Variants in PPP3R1 observed in about 807,000 individuals in gnomAD.
PPP3R1 encodes the protein protein phosphatase 3 regulatory subunit B, alpha.
PPP3R1 carries 5 observed loss-of-function variants against 22.6 expected under a neutral mutation model. The observed-to-expected ratio is 0.22, with a 90% CI of 0.12 to 0.46. The LOEUF (loss-of-function observed/expected upper bound fraction) is 0.46. PPP3R1 is among the 20% of genes least tolerant of loss of function. The probability of loss-of-function intolerance (pLI) is 0.99; values close to 1 mark genes in which losing one functional copy is unlikely to be tolerated. For missense variants in PPP3R1, 61 were observed against 203.2 expected, an observed-to-expected ratio of 0.30 and a Z score of 4.25; for synonymous variants, 56 against 65.2, an observed-to-expected ratio of 0.86 and a Z score of 0.68.
intron 1 of PPP3R1, among the ~76,000 whole-genome samples, chr2:68,232,209 T>TGTATATTATA (rs571323678): frequency 5.9e-4 from 55 of 93,024 alleles, no homozygotes; most frequent in African/African-American, 2.0e-3. Context: ...TATATACATA[T>TGTATATTATA]TGTATATGTA....
rs1158777953 is a variant in PPP3R1, at chr2:68,217,263, T to C, written c.4-132A>G. 1.3e-5 allele frequency: 7 copies of C among 538,868 alleles called. No individual in the cohort carries two copies. In the Admixed American group the frequency reaches 2.3e-4, roughly 18 times the overall value. The allele number at this position is 538,868 out of a possible 1,614,324, so 33.4% of individuals were successfully genotyped here. A position where few individuals can be genotyped will look rare whatever the true frequency, so the allele number is the denominator to read the frequency against. On this transcript the variant is annotated intron_variant, in intron 1 of 5. Coordinates refer to ENST00000234310, the MANE Select transcript of PPP3R1 (RefSeq NM_000945.4). ...CTAATAATATGACCACATATATAAATTACATTTATATTTTTAAAAAATAAG... is the reference window on the plus strand; with the variant it reads ...CTAATAATATGACCACATATATAAACTACATTTATATTTTTAAAAAATAAG...
intron 2 of PPP3R1, 81 bp downstream of exon 2, chr2:68,217,011 T>TACACACACACACACACACACAC: frequency 1.3e-6 from 1 of 770,686 alleles, no homozygotes; most frequent in African/African-American, 2.4e-5. Context: ...AGAGGTATGA[T>TACACACACACACACACACACAC]ACACACACAC....
Position 68,232,223 on chromosome 2 carries a change from A to G in PPP3R1, c.4-15092T>C, listed in dbSNP as rs868860008. On this transcript the variant is annotated intron_variant, in intron 1 of 5. Coordinates refer to ENST00000234310, the MANE Select transcript of PPP3R1 (RefSeq NM_000945.4). ...TTATATACATATTGTATATGTATAT[A>G]TGTGTGTGTGTGTGTGTGTGTGTGT... is the stretch of plus-strand genomic sequence containing the variant. Among the ~76,000 whole-genome samples the G allele has an allele frequency of 1.5e-3, 69 of 45,760 alleles. 2 individuals carry two copies. Among genetic ancestry groups the G allele is most frequent in the East Asian group, 4.3e-3 (10 of 2,300 alleles). The allele number at this position is 45,760 out of a possible 152,430, so 30.0% of individuals were successfully genotyped here.
chr2:68,239,630 G>C (rs778526428), intron 1 of PPP3R1, among the ~76,000 whole-genome samples: 2 of 152,068 alleles, frequency 1.3e-5, no homozygotes, highest in Non-Finnish European at 2.9e-5. Context: ...TGAAAAATAC[G>C]AATGAATCAT....
At chr2:68,226,369 C>T in intron 1 of PPP3R1, among the ~76,000 whole-genome samples, 1 of 152,072 alleles carries the variant, frequency 6.6e-6, no homozygotes, top group East Asian at 1.9e-4. Context: ...ATATTAAGGA[C>T]CTTAGTCCCA....
intron 1 of PPP3R1, among the ~76,000 whole-genome samples, chr2:68,221,235 G>A (rs941338314): frequency 6.6e-5 from 10 of 152,084 alleles, no homozygotes; most frequent in South Asian, 2.1e-4. Flanking sequence ...AGAGGCTGAG[G>A]CAAGAGAATC....
intron 2 of PPP3R1, among the ~76,000 whole-genome samples, chr2:68,201,955 T>C (rs1182097016): frequency 6.6e-6 from 1 of 152,218 alleles, no homozygotes; most frequent in Admixed American, 6.5e-5. Context: ...TAAACATAGA[T>C]GTTCTTTCAT....
intron 2 of PPP3R1, among the ~76,000 whole-genome samples, chr2:68,195,231 T>C (rs866022246): frequency 7.9e-5 from 12 of 152,308 alleles, no homozygotes; most frequent in South Asian, 6.2e-4. Flanking sequence ...TCTTGATTGA[T>C]TGTCTTTCAT....
chr2:68,242,420 C>T (rs539620835), intron 1 of PPP3R1, among the ~76,000 whole-genome samples: 3 of 149,490 alleles, frequency 2.0e-5, no homozygotes, highest in South Asian at 2.1e-4. Context: ...AGCAAGACTC[C>T]GTCTAAAAAA....
At chr2:68,229,226 C>T (rs1246467222) in intron 1 of PPP3R1, among the ~76,000 whole-genome samples, 2 of 151,526 alleles carry the variant, frequency 1.3e-5, no homozygotes, top group East Asian at 3.9e-4. Context: ...TGCCCAGGCT[C>T]GTCTCAAACT....
chr2:68,231,575 A>C (rs1359117854), intron 1 of PPP3R1, among the ~76,000 whole-genome samples: 1 of 152,206 alleles, frequency 6.6e-6, no homozygotes, highest in African/African-American at 2.4e-5. Context: ...CTACTATTAC[A>C]ATTTCACATG....
intron 1 of PPP3R1, among the ~76,000 whole-genome samples, chr2:68,249,893 A>G (rs1670310262): frequency 6.6e-6 from 1 of 152,198 alleles, no homozygotes; most frequent in Non-Finnish European, 1.5e-5. Context: ...GTAAATAATA[A>G]GAGTTCTAAG....
rs1308160885 is a variant in PPP3R1, at chr2:68,252,186, G to A, written c.-59C>T. 2.5e-5 allele frequency: 33 copies of A among 1,316,816 alleles called. No homozygotes were observed. The East Asian group carries it at 8.4e-4, about 33-fold the overall frequency. 81.6% of individuals were successfully genotyped at this position (1,316,816 alleles called of 1,614,324 possible). ...TGGCTCGGAGAAGTGTTGCGCTCAG[G>A]CTGGCTCGCAGGAAACGGCGGCGGC... On this transcript the variant is annotated 5_prime_UTR_variant, in exon 1 of 6. Coordinates refer to ENST00000234310, the MANE Select transcript of PPP3R1 (RefSeq NM_000945.4).
chr2:68,186,733 C>CT (rs1202846868), intron 4 of PPP3R1, 81 bp from the exon 5 acceptor site: 1 of 1,222,018 alleles, frequency 8.2e-7, no homozygotes, highest in Non-Finnish European at 1.2e-6. Context: ...AAATAGTAAA[C>CT]TGACAAACAT....
At chr2:68,224,265 TA>T (rs1177918612) in intron 1 of PPP3R1, among the ~76,000 whole-genome samples, 1 of 152,150 alleles carries the variant, frequency 6.6e-6, no homozygotes, top group East Asian at 1.9e-4. Flanking sequence ...TAGAAATCAA[TA>T]AACTAATTCT....
rs1553403006 is a variant in PPP3R1 at position 68,179,009 on chromosome 2, A to AAAAAAGG, written c.*1953_*1954insCCTTTTT. ...CACACACAAACTAAAAAAAAAAAAA[A>AAAAAAGG]AAAAAAAGAAAAAGAAAAAACCCTC... On this transcript the variant is annotated 3_prime_UTR_variant, in exon 6 of 6. Coordinates refer to ENST00000234310, the MANE Select transcript of PPP3R1 (RefSeq NM_000945.4). 7 of 122,528 alleles carry AAAAAAGG rather than the reference A, an allele frequency of 5.7e-5. No individual in the cohort carries two copies. 7.6% of individuals were successfully genotyped at this position (122,528 alleles called of 1,614,324 possible).
intron 2 of PPP3R1, among the ~76,000 whole-genome samples, chr2:68,203,722 C>T (rs1675036362): frequency 6.6e-6 from 1 of 152,102 alleles, no homozygotes; most frequent in Non-Finnish European, 1.5e-5. Context: ...TAAGAGCAGA[C>T]ATTAACAGCA....
Position 68,190,782 on chromosome 2 carries a change from T to C in PPP3R1, c.44-2092A>G, listed in dbSNP as rs149739160. ...TCCCCCTCACCCCCACAACTATTAA[T>C]AAAGGTAGGCATACATTGGCTCACT... On this transcript the variant is annotated intron_variant, in intron 2 of 5. Coordinates refer to ENST00000234310, the MANE Select transcript of PPP3R1 (RefSeq NM_000945.4). 2.7e-3 allele frequency among the ~76,000 whole-genome samples: 415 copies of C among 152,302 alleles called. 2 individuals carry two copies. The highest frequency in any genetic ancestry group is 6.3e-3 in the African/African-American group (260 of 41,562).
At chr2:68,207,277 A>G (rs1675149344) in intron 2 of PPP3R1, among the ~76,000 whole-genome samples, 1 of 151,816 alleles carries the variant, frequency 6.6e-6, no homozygotes, top group African/African-American at 2.4e-5. Flanking sequence ...AAAAAGAACT[A>G]CATAACAGAC....
Sources: gnomAD v4.1 joint callset for allele counts (sites outside exome capture counted in the v4.1 genomes callset) on GRCh38, gnomAD v4.1.1 for gene constraint, MANE v1.5 for transcripts, NCBI Gene and HGNC (gene_info 2026-07-23, HGNC 2026-07-21) for gene names.